The following MYH14 variants were observed in gnomAD, a reference collection of about 807,000 sequenced individuals.
The protein encoded by MYH14 is myosin-14.
A neutral mutation model predicts 255.5 loss-of-function variants in MYH14; 123 were observed. The observed-to-expected ratio is 0.48, with a 90% CI of 0.42 to 0.56. The LOEUF (loss-of-function observed/expected upper bound fraction) is 0.56, where lower values mean the gene tolerates loss of function less well. Ranked by LOEUF, MYH14 falls within the 20% of genes least tolerant of loss-of-function variation. MYH14 has a pLI of 0.00. For missense variants in MYH14, 2,423 were observed against 2,802.3 expected (o/e 0.86, Z 3.06); for synonymous variants, 1,095 against 1,161.2 (o/e 0.94, Z 1.16).
intron 27 of MYH14, among the ~76,000 whole-genome samples, chr19:50,274,648 C>T (rs1049879764): frequency 6.6e-6 from 1 of 152,174 alleles, no homozygotes; most frequent in African/African-American, 2.4e-5. Context: ...TAACCAATCA[C>T]AGCCAGGCAC....
Position 50,259,248 on chromosome 19 carries a change from C to A in MYH14, c.2337C>A (p.Phe779Leu). 2 of 1,585,092 alleles carry A rather than the reference C, an allele frequency of 1.3e-6. No homozygotes were observed. The highest frequency in any genetic ancestry group is 1.7e-6 in the Non-Finnish European group (2 of 1,165,060). ...AGGGCTTCCCCAACCGCATCCTCTTCCAGGAGTTCCGGCAGCGGTGAGCTA... is the reference window on the plus strand; with the variant it reads ...AGGGCTTCCCCAACCGCATCCTCTTACAGGAGTTCCGGCAGCGGTGAGCTA... Reference protein sequence around the residue: ...CRQGFPNRILFQEFRQRYEIL... With the variant: ...CRQGFPNRILLQEFRQRYEIL... Residue 779 changes from phenylalanine (F) to leucine (L), a missense_variant, in exon 19 of 43, where the codon TTC becomes TTA. Physicochemically the swap from Phe to Leu is conservative, Grantham distance 22. Transcript: ENST00000642316.
intron 2 of MYH14, among the ~76,000 whole-genome samples, chr19:50,211,944 C>T (rs1295602860): frequency 1.3e-5 from 2 of 152,026 alleles, no homozygotes; most frequent in Admixed American, 6.6e-5. Flanking sequence ...GCTGTGATGG[C>T]GCTACTGTAC....
intron 6 of MYH14, chr19:50,224,840 C>T (rs1361733565): frequency 2.2e-6 from 1 of 456,388 alleles, no homozygotes; most frequent in Non-Finnish European, 4.4e-6. Flanking sequence ...TTTGGTGGCT[C>T]AGGTCTATAA....
intron 1 of MYH14, among the ~76,000 whole-genome samples, chr19:50,204,389 A>G (rs1451042696): frequency 6.6e-6 from 1 of 152,156 alleles, no homozygotes; most frequent in African/African-American, 2.4e-5. Flanking sequence ...GGTAGTAATC[A>G]CCAACTGGGA....
At position 50,301,917 on chromosome 19, in the gene MYH14, G is replaced by C. The variant is rs750052506; in HGVS notation, c.5678+48G>C. The C allele has an allele frequency of 2.0e-6, 3 of 1,464,858 alleles. No individual in the cohort carries two copies. The East Asian group carries it at 7.2e-5, about 35-fold the overall frequency. The allele number at this position is 1,464,858 out of a possible 1,614,324, so 90.7% of individuals were successfully genotyped here. Reference sequence around the variant, plus strand: ...GGAGAAAGGTGACCTCCACATTCTGGTTGGTGAGAGGAAGGAGGCTGTGTT... The same window carrying C: ...GGAGAAAGGTGACCTCCACATTCTGCTTGGTGAGAGGAAGGAGGCTGTGTT... On this transcript the variant is annotated intron_variant, in intron 40 of 42. Coordinates refer to ENST00000642316, the MANE Select transcript of MYH14 (RefSeq NM_001145809.2).
At chr19:50,300,965 C>T (rs188404098) in intron 39 of MYH14, among the ~76,000 whole-genome samples, 1 of 151,344 alleles carries the variant, frequency 6.6e-6, no homozygotes, top group Admixed American at 6.6e-5. Flanking sequence ...AAAAAAAAAC[C>T]CCACAAAGGA....
intron 35 of MYH14, 140 bp downstream of exon 35, chr19:50,289,788 TC>T: frequency 1.4e-6 from 1 of 729,740 alleles, no homozygotes; most frequent in Non-Finnish European, 2.3e-6. Flanking sequence ...ACTCAGTATC[TC>T]CCCAACCCTT....
chr19:50,258,257 G>T (rs1241408678), intron 18 of MYH14, among the ~76,000 whole-genome samples: 1 of 151,810 alleles, frequency 6.6e-6, no homozygotes, highest in South Asian at 2.1e-4. Context: ...TCAAATCTAA[G>T]CCATGTATTC....
intron 12 of MYH14, among the ~76,000 whole-genome samples, chr19:50,248,150 C>T (rs1369555763): frequency 3.3e-5 from 5 of 151,816 alleles, no homozygotes; most frequent in Non-Finnish European, 7.4e-5. Context: ...GTGGGTGAAT[C>T]CACAGTCAGA....
chr19:50,289,394 G>C, intron 34 of MYH14, 42 bp from the exon 35 acceptor site: 2 of 1,535,592 alleles, frequency 1.3e-6, no homozygotes, highest in South Asian at 2.4e-5. Flanking sequence ...AACCTCCTCT[G>C]CCTCAGTGAC....
intron 40 of MYH14, among the ~76,000 whole-genome samples, 155 bp downstream of exon 40, chr19:50,302,024 T>C (rs1278017834): frequency 6.8e-6 from 1 of 147,878 alleles, no homozygotes; most frequent in African/African-American, 2.5e-5. Context: ...ACGCCTGTAA[T>C]CCCAGCACTT....
At chr19:50,224,238 G>A (rs2032991989) in intron 6 of MYH14, 61 bp downstream of exon 6, 2 of 1,611,724 alleles carry the variant, frequency 1.2e-6, no homozygotes, top group South Asian at 1.1e-5. Flanking sequence ...GCCACCCAAT[G>A]CATGATCTTC....
In MYH14 at chr19:50,309,810, G is replaced by A. The variant is rs1204133031; in HGVS notation, c.*20G>A. On this transcript the variant is annotated 3_prime_UTR_variant, in exon 43 of 43. Transcript: ENST00000642316. ...CAGTGACCCTACCCTGTCCCCAGATGCACTAACAGATGGGGCCCAGCCCCC... is the reference window on the plus strand; with the variant it reads ...CAGTGACCCTACCCTGTCCCCAGATACACTAACAGATGGGGCCCAGCCCCC... 2.4e-5 allele frequency: 36 copies of A among 1,475,516 alleles called. No homozygotes were observed. The highest frequency in any genetic ancestry group is 3.3e-5 in the Non-Finnish European group (36 of 1,087,382). The allele number at this position is 1,475,516 out of a possible 1,614,324, so 91.4% of individuals were successfully genotyped here. A position where few individuals can be genotyped will look rare whatever the true frequency, so the allele number is the denominator to read the frequency against.
intron 11 of MYH14, among the ~76,000 whole-genome samples, chr19:50,244,545 G>C (rs551275981): frequency 6.8e-6 from 1 of 147,504 alleles, no homozygotes; most frequent in Non-Finnish European, 1.5e-5. Flanking sequence ...GTGCAGTGGC[G>C]TGATCTCAGC....
chr19:50,271,374 C>G, intron 24 of MYH14, 35 bp from the exon 25 acceptor site: 3 of 1,583,862 alleles, frequency 1.9e-6, no homozygotes, highest in Non-Finnish European at 2.6e-6. Flanking sequence ...ATCTATTGGC[C>G]CAGTATCCTC....
chr19:50,276,171 G>A lies in MYH14; in HGVS notation c.3648G>A (p.Thr1216=), dbSNP rs769824862. The A allele has an allele frequency of 1.2e-5, 19 of 1,554,916 alleles. No individual in the cohort carries two copies. The highest frequency in any genetic ancestry group is 7.1e-5 in the South Asian group (6 of 84,420). ...LEALRGELED[T]LDSTNAQQEL... Reference sequence around the variant, plus strand: ...CGCTGCGGGGCGAGCTGGAGGACACGCTGGACTCCACCAACGCACAGCAGG... The same window carrying A: ...CGCTGCGGGGCGAGCTGGAGGACACACTGGACTCCACCAACGCACAGCAGG... Residue 1216 remains threonine (T), a synonymous_variant, in exon 28 of 43, where the codon ACG becomes ACA. Coordinates refer to ENST00000642316, the MANE Select transcript of MYH14 (RefSeq NM_001145809.2). This position sits in a 1 kb window ranked among gnomAD's most constrained non-coding sequence, Gnocchi z 4.3.
At chr19:50,292,651 A>G (rs2036124865) in intron 37 of MYH14, among the ~76,000 whole-genome samples, 1 of 152,042 alleles carries the variant, frequency 6.6e-6, no homozygotes, top group African/African-American at 2.4e-5. Context: ...ATGCCAGCCT[A>G]AGAGCAGGGA....
At chr19:50,224,858 A>G (rs1233480868) in intron 6 of MYH14, 1 of 456,458 alleles carries the variant, frequency 2.2e-6, no homozygotes, top group South Asian at 1.5e-5. Flanking sequence ...TAATCCCAGC[A>G]CTTTGGAAGG....
intron 40 of MYH14, among the ~76,000 whole-genome samples, chr19:50,305,074 G>A (rs2036611150): frequency 6.6e-6 from 1 of 152,076 alleles, no homozygotes; most frequent in African/African-American, 2.4e-5. Context: ...TGTGGGCAGT[G>A]GGGAGCCCTG....
Sources: gnomAD v4.1 joint callset for allele counts (sites outside exome capture counted in the v4.1 genomes callset) on GRCh38, gnomAD v4.1.1 for gene constraint, Gnocchi (gnomAD v3.1) non-coding constraint, MANE v1.5 for transcripts, NCBI Gene and HGNC (gene_info 2026-07-23, HGNC 2026-07-21) for gene names.